The following FBLN2 variants were observed in gnomAD, a reference collection of about 807,000 sequenced individuals.
The protein encoded by FBLN2 is fibulin-2.
A neutral mutation model predicts 123.7 loss-of-function variants in FBLN2; 81 were observed. The observed-to-expected ratio is 0.65, with a 90% CI of 0.55 to 0.79. The LOEUF is 0.79. Among genes scored for constraint, FBLN2 ranks in the 30% least tolerant of loss-of-function variants. The pLI is 0.00. For missense variants in FBLN2, 1,603 were observed against 1,681.3 expected, an observed-to-expected ratio of 0.95 and a Z score of 0.81; for synonymous variants, 699 against 701.4, an observed-to-expected ratio of 1.00 and a Z score of 0.05.
chr3:13,571,121 G>A lies in FBLN2; in HGVS notation c.766G>A (p.Ala256Thr). ...GCCAGCTGTCCTCCCCAGGCCCACA[G>A]CGGCTGCTGCCCTGGGTCCCCCAGC... ...PWPAVLPRPTAAAALGPPAPV... is the reference protein window; with the variant it reads ...PWPAVLPRPTTAAALGPPAPV... Residue 256 changes from alanine (A) to threonine (T), a missense_variant, in exon 2 of 18, where the codon GCG becomes ACG. Physicochemically the swap from Ala to Thr is moderately conservative, Grantham distance 58 (BLOSUM62 0). Coordinates refer to ENST00000404922, the MANE Select transcript of FBLN2 (RefSeq NM_001004019.2). The A allele has an allele frequency of 6.4e-7, 1 of 1,552,316 alleles. No homozygotes were observed. The highest frequency in any genetic ancestry group is 8.7e-7 in the Non-Finnish European group (1 of 1,148,244).
intron 2 of FBLN2, among the ~76,000 whole-genome samples, chr3:13,588,580 C>T (rs1195342045): frequency 6.6e-6 from 1 of 152,230 alleles, no homozygotes; most frequent in East Asian, 1.9e-4. Flanking sequence ...GTACCTGCTG[C>T]CTCTTCTCCA....
chr3:13,623,747 G>C (rs1444915777), intron 9 of FBLN2, among the ~76,000 whole-genome samples: 2 of 152,188 alleles, frequency 1.3e-5, no homozygotes, highest in Non-Finnish European at 2.9e-5. Flanking sequence ...AAACCAGTTG[G>C]TTAAACTCTC....
chr3:13,600,210 G>A (rs1250773399), intron 2 of FBLN2, among the ~76,000 whole-genome samples: 1 of 152,002 alleles, frequency 6.6e-6, no homozygotes, highest in Non-Finnish European at 1.5e-5. Context: ...TGAGATGAGG[G>A]TACTCACTCA....
chr3:13,592,508 A>C (rs1195247504), intron 2 of FBLN2, among the ~76,000 whole-genome samples: 1 of 152,140 alleles, frequency 6.6e-6, no homozygotes, highest in Non-Finnish European at 1.5e-5. Flanking sequence ...TGAAATTTGG[A>C]ATTAGCCCTT....
chr3:13,609,015 A>C (rs1326632726), intron 3 of FBLN2, among the ~76,000 whole-genome samples: 5 of 152,244 alleles, frequency 3.3e-5, no homozygotes, highest in Non-Finnish European at 7.3e-5. Context: ...GCATGCTTGC[A>C]TCCGTCTTGT....
At chr3:13,591,121 T>G (rs1704660981) in intron 2 of FBLN2, among the ~76,000 whole-genome samples, 1 of 152,272 alleles carries the variant, frequency 6.6e-6, no homozygotes, top group African/African-American at 2.4e-5. Context: ...CAGTAATAGC[T>G]CACTGTGGCC....
intron 14 of FBLN2, among the ~76,000 whole-genome samples, chr3:13,630,359 G>C (rs1003395026): frequency 1.7e-4 from 26 of 152,264 alleles, no homozygotes; most frequent in African/African-American, 6.0e-4. Flanking sequence ...GTGGGGACTG[G>C]TGTGGAGTAA....
rs973270300 is a variant in FBLN2, at chr3:13,555,556, A to G, written c.-42+6348A>G. Among the ~76,000 whole-genome samples, 8 of 151,484 alleles carry G rather than the reference A, an allele frequency of 5.3e-5. 1 individual carries two copies. The highest frequency in any genetic ancestry group is 9.7e-5 in the African/African-American group (4 of 41,202). On this transcript the variant is annotated intron_variant, in intron 1 of 17. Coordinates refer to ENST00000404922, the MANE Select transcript of FBLN2 (RefSeq NM_001004019.2). ...TGCAAGCTCCGCCTCCCAGGTTCATACCATTCTCCTGCCTCAGCCTCCCGA... is the reference window on the plus strand; with the variant it reads ...TGCAAGCTCCGCCTCCCAGGTTCATGCCATTCTCCTGCCTCAGCCTCCCGA...
rs1275472212 is a variant in FBLN2, at chr3:13,630,689, G to A, written c.2969-10G>A. 6.3e-7 allele frequency: 1 copy of A among 1,585,792 alleles called. No homozygotes were observed. The highest frequency in any genetic ancestry group is 1.3e-5 in the African/African-American group (1 of 74,450). On this transcript the variant is annotated splice_polypyrimidine_tract_variant and intron_variant, in intron 14 of 17. Coordinates refer to ENST00000404922, the MANE Select transcript of FBLN2 (RefSeq NM_001004019.2). The stretch of plus-strand genomic sequence containing the variant: ...GGCCCTGCCATGACTGCCTGCTGGT[G>A]TCCCTGCAGACGTGAATGAGTGTGA...
rs1051754328 is a variant in FBLN2, at chr3:13,570,563, T to C, written c.208T>C (p.Tyr70His). Residue 70 changes from tyrosine to histidine, a missense_variant, in exon 2 of 18, where the codon TAC becomes CAC. By Grantham distance (83) the Tyr-to-His change is moderately conservative. Coordinates refer to ENST00000404922, the MANE Select transcript of FBLN2 (RefSeq NM_001004019.2). ...QQGCACEGYQ[Y>H]YDCLQGGFVR... ...GGGCTGCGCCTGCGAGGGCTACCAG[T>C]ACTATGACTGCCTACAGGGTGGCTT... 4 of 1,589,836 alleles carry C rather than the reference T, an allele frequency of 2.5e-6. No individual in the cohort carries two copies. The highest frequency in any genetic ancestry group is 2.7e-5 in the African/African-American group (2 of 74,530).
At chr3:13,552,634 C>T (rs1236376605) in intron 1 of FBLN2, among the ~76,000 whole-genome samples, 1 of 152,150 alleles carries the variant, frequency 6.6e-6, no homozygotes, top group Non-Finnish European at 1.5e-5. Flanking sequence ...GACCACAGGG[C>T]TGTACCTCCA....
intron 2 of FBLN2, among the ~76,000 whole-genome samples, chr3:13,599,514 C>T (rs1704954402): frequency 1.3e-5 from 2 of 151,914 alleles, no homozygotes; most frequent in Admixed American, 1.3e-4. Context: ...CACGGGGGGT[C>T]ATAGGCGCAG....
chr3:13,616,645 C>G (rs1269788005), intron 5 of FBLN2, among the ~76,000 whole-genome samples: 1 of 152,168 alleles, frequency 6.6e-6, no homozygotes, highest in Non-Finnish European at 1.5e-5. Context: ...GCTCTGCTGC[C>G]TGGGTGGGGT....
At chr3:13,630,275 G>T (rs1312245657) in intron 14 of FBLN2, among the ~76,000 whole-genome samples, 3 of 152,224 alleles carry the variant, frequency 2.0e-5, no homozygotes, top group Non-Finnish European at 4.4e-5. Context: ...ACCTGTGCGG[G>T]ACGCGCCTGT....
At chr3:13,584,893 A>G (rs1311709780) in intron 2 of FBLN2, among the ~76,000 whole-genome samples, 7 of 152,180 alleles carry the variant, frequency 4.6e-5, no homozygotes, top group African/African-American at 1.7e-4. Flanking sequence ...TAGAGATGCC[A>G]TGTTGGCGGT....
Position 13,559,094 on chromosome 3 carries a change from C to G in FBLN2, c.-42+9886C>G, listed in dbSNP as rs562822259. The stretch of plus-strand genomic sequence containing the variant: ...TGAATGTCTCCGTTAGGAGTTTTTT[C>G]TTTATCCTTGGGCCACAGGACTTCA... On this transcript the variant is annotated intron_variant, in intron 1 of 17. Coordinates refer to ENST00000404922, the MANE Select transcript of FBLN2 (RefSeq NM_001004019.2). 6.2e-4 allele frequency among the ~76,000 whole-genome samples: 95 copies of G among 152,164 alleles called. No individual in the cohort carries two copies. In the Middle Eastern group the frequency reaches 0.017, roughly 27 times the overall value.
At chr3:13,635,822 G>C (rs183235186) in intron 16 of FBLN2, among the ~76,000 whole-genome samples, 4 of 152,278 alleles carry the variant, frequency 2.6e-5, no homozygotes, top group Admixed American at 1.3e-4. Context: ...CCAGGTTGAG[G>C]GGGGACGGTA....
chr3:13,577,841 G>A (rs1473092172), intron 2 of FBLN2, among the ~76,000 whole-genome samples: 2 of 152,242 alleles, frequency 1.3e-5, no homozygotes, highest in African/African-American at 4.8e-5. Context: ...CAGGCCCTCT[G>A]CTCAGGGGCA....
intron 8 of FBLN2, 138 bp from the exon 9 acceptor site, chr3:13,621,637 G>A: frequency 2.3e-6 from 2 of 856,262 alleles, no homozygotes; most frequent in Middle Eastern, 3.3e-4. Context: ...CCAAGGCCCA[G>A]CTACACACAG....
Sources: gnomAD v4.1 joint callset for allele counts (sites outside exome capture counted in the v4.1 genomes callset) on GRCh38, gnomAD v4.1.1 for gene constraint, MANE v1.5 for transcripts, NCBI Gene and HGNC (gene_info 2026-07-23, HGNC 2026-07-21) for gene names.